Variants in TFEC observed in about 807,000 individuals in gnomAD.
The protein encoded by TFEC is transcription factor EC.
In TFEC, 31 loss-of-function variants were observed where a neutral mutation model predicts 41.6. That is an observed-to-expected ratio of 0.74 (90% CI 0.56 to 1.01). TFEC has a LOEUF of 1.01. TFEC is among the 50% of genes least tolerant of loss of function. TFEC has a pLI of 0.00. For synonymous variants in TFEC, 143 were observed against 140.6 expected, an observed-to-expected ratio of 1.02 and a Z score of -0.12; for missense variants, 402 against 404.1, an observed-to-expected ratio of 0.99 and a Z score of 0.04.
chr7:116,154,573 A>C (rs73448537), intron 1 of TFEC, among the ~76,000 whole-genome samples: 2 of 152,226 alleles, frequency 1.3e-5, no homozygotes, highest in African/African-American at 4.8e-5. Flanking sequence ...TACATTCCTG[A>C]TCCATGGAAA....
At chr7:116,090,570 A>G (rs2115815863) in intron 3 of TFEC, among the ~76,000 whole-genome samples, 1 of 152,282 alleles carries the variant, frequency 6.6e-6, no homozygotes, top group East Asian at 1.9e-4. Flanking sequence ...AAACTATCAC[A>G]CAGACTGGCA....
At chr7:116,081,249 T>C (rs923038126) in intron 3 of TFEC, among the ~76,000 whole-genome samples, 2 of 151,688 alleles carry the variant, frequency 1.3e-5, no homozygotes, top group Admixed American at 1.3e-4. Context: ...GATAAAAGAC[T>C]ACCCACTGGG....
In TFEC at chr7:116,159,278, AAT is replaced by A. The variant is rs201701546; in HGVS notation, c.-69+510_-69+511del. Reference sequence around the variant, plus strand: ...AATTTTCAAATTTTCAAATTTATGAAATATGTTTTTATCAAAAATATACTTTA... The same window carrying A: ...AATTTTCAAATTTTCAAATTTATGAAATGTTTTTATCAAAAATATACTTTA... On this transcript the variant is annotated intron_variant, in intron 1 of 8. Coordinates refer to the TFEC transcript ENST00000484212. Among the ~76,000 whole-genome samples, 770 of 152,146 alleles carry A rather than the reference AAT, an allele frequency of 5.1e-3. 4 individuals are homozygous for A. Among genetic ancestry groups the A allele is most frequent in the African/African-American group, 0.017 (703 of 41,570 alleles).
At chr7:115,941,864 G>A in intron 7 of TFEC, 29 bp downstream of exon 7, 1 of 1,611,170 alleles carries the variant, frequency 6.2e-7, no homozygotes, top group East Asian at 2.2e-5. Context: ...TGTAAGCTAT[G>A]TGACTCATGG....
At chr7:116,076,375 C>G (rs768181347) in intron 3 of TFEC, among the ~76,000 whole-genome samples, 2 of 151,910 alleles carry the variant, frequency 1.3e-5, no homozygotes, top group Non-Finnish European at 2.9e-5. Flanking sequence ...TCTTTAACAC[C>G]CCCAAAAGAT....
intron 1 of TFEC, among the ~76,000 whole-genome samples, chr7:116,136,612 T>C (rs993205355): frequency 6.6e-5 from 10 of 151,910 alleles, no homozygotes; most frequent in African/African-American, 1.9e-4. Flanking sequence ...CAATAGAAAA[T>C]TGAACATTAA....
In TFEC at chr7:115,940,488, G is replaced by A; in HGVS notation, c.*63C>T. The A allele has an allele frequency of 2.0e-6, 3 of 1,507,332 alleles. No individual in the cohort carries two copies. The highest frequency in any genetic ancestry group is 2.7e-6 in the Non-Finnish European group (3 of 1,121,486). The allele number at this position is 1,507,332 out of a possible 1,614,324, so 93.4% of individuals were successfully genotyped here. On this transcript the variant is annotated 3_prime_UTR_variant, in exon 8 of 8. Coordinates refer to ENST00000265440, the MANE Select transcript of TFEC (RefSeq NM_012252.4). The stretch of plus-strand genomic sequence containing the variant: ...GCCAAAGCAACATATGAAACACAGA[G>A]CATAATTGCATAGCACCAGCATAGA...
intron 3 of TFEC, among the ~76,000 whole-genome samples, chr7:116,061,140 G>T (rs1470069349): frequency 1.3e-5 from 2 of 152,068 alleles, no homozygotes; most frequent in Non-Finnish European, 2.9e-5. Context: ...TATGGAAATG[G>T]AAAAGATGTA....
At chr7:116,128,699 T>A (rs749061340) in intron 1 of TFEC, among the ~76,000 whole-genome samples, 1 of 152,196 alleles carries the variant, frequency 6.6e-6, no homozygotes, top group African/African-American at 2.4e-5. Context: ...GATATTTGAC[T>A]GCCTCAGTGT....
chr7:116,008,862 T>C (rs1334235860), intron 1 of TFEC, among the ~76,000 whole-genome samples: 2 of 152,188 alleles, frequency 1.3e-5, no homozygotes, highest in East Asian at 3.8e-4. Context: ...GCGTATTATA[T>C]AATCCAAAGC....
At chr7:115,950,569 A>C (rs558844746) in intron 6 of TFEC, among the ~76,000 whole-genome samples, 8 of 152,254 alleles carry the variant, frequency 5.3e-5, no homozygotes, top group South Asian at 2.1e-4. Context: ...CAGCATCATA[A>C]GTAGTATTTG....
chr7:116,083,367 T>C (rs1234784053), intron 3 of TFEC, among the ~76,000 whole-genome samples: 1 of 151,908 alleles, frequency 6.6e-6, no homozygotes, highest in African/African-American at 2.4e-5. Flanking sequence ...AAAAAATTTG[T>C]ATATTTTGTG....
chr7:116,002,413 A>G (rs1794632832), intron 1 of TFEC, among the ~76,000 whole-genome samples: 1 of 152,210 alleles, frequency 6.6e-6, no homozygotes, highest in Admixed American at 6.5e-5. Context: ...GTTATGTGAA[A>G]TAAGTCAGGC....
chr7:116,047,742 G>T (rs553208000), intron 3 of TFEC, among the ~76,000 whole-genome samples: 1 of 152,266 alleles, frequency 6.6e-6, no homozygotes, highest in South Asian at 2.1e-4. Flanking sequence ...TAACTGGGAG[G>T]CACCGCCCAG....
intron 1 of TFEC, among the ~76,000 whole-genome samples, chr7:116,007,602 C>A (rs772646012): frequency 1.3e-5 from 2 of 152,134 alleles, no homozygotes; most frequent in Non-Finnish European, 2.9e-5. Flanking sequence ...TAGTGTTCTA[C>A]GCTGTAGTCT....
chr7:116,151,864 A>G (rs189443053), intron 1 of TFEC, among the ~76,000 whole-genome samples: 1 of 152,264 alleles, frequency 6.6e-6, no homozygotes, highest in African/African-American at 2.4e-5. Context: ...TTTGTTTTCC[A>G]TCCATACTAA....
chr7:115,953,830 T>C (rs955390759), intron 5 of TFEC, among the ~76,000 whole-genome samples: 1 of 152,114 alleles, frequency 6.6e-6, no homozygotes, highest in Non-Finnish European at 1.5e-5. Flanking sequence ...GTATACTCAA[T>C]TTCAGCTAGC....
At chr7:115,944,690 T>A (rs866043904) in intron 6 of TFEC, among the ~76,000 whole-genome samples, 1 of 151,682 alleles carries the variant, frequency 6.6e-6, no homozygotes, top group Admixed American at 6.6e-5. Flanking sequence ...ATTGCTGCTA[T>A]ATGCCCAAGA....
At chr7:115,997,591 T>G (rs1349070293) in intron 1 of TFEC, among the ~76,000 whole-genome samples, 1 of 151,556 alleles carries the variant, frequency 6.6e-6, no homozygotes, top group Non-Finnish European at 1.5e-5. Flanking sequence ...AAATATGACC[T>G]CACCAAATAA....
Sources: gnomAD v4.1 joint callset for allele counts (sites outside exome capture counted in the v4.1 genomes callset) on GRCh38, gnomAD v4.1.1 for gene constraint, MANE v1.5 for transcripts, NCBI Gene and HGNC (gene_info 2026-07-23, HGNC 2026-07-21) for gene names.